Variants in FRAS1 observed in about 807,000 individuals in gnomAD.
FRAS1 encodes extracellular matrix organizing protein FRAS1.
FRAS1 carries 290 observed loss-of-function variants against 435.2 expected under a neutral mutation model. The ratio of observed to expected loss-of-function variants is 0.67; its 90% CI spans 0.61 to 0.73. FRAS1 has a LOEUF of 0.73. FRAS1 is among the 30% of genes least tolerant of loss of function. The pLI, the probability that FRAS1 is intolerant of heterozygous loss-of-function variation, is 0.00. For synonymous variants in FRAS1, 1,800 were observed against 1,851.0 expected (o/e 0.97, Z 0.71); for missense variants, 4,860 against 5,001.5 (o/e 0.97, Z 0.85).
In FRAS1 at chr4:78,511,353, G is replaced by A. The variant is rs1325859575; in HGVS notation, c.9860G>A (p.Gly3287Glu). The A allele has an allele frequency of 1.9e-6, 3 of 1,613,796 alleles. No homozygotes were observed. The highest frequency in any genetic ancestry group is 2.5e-6 in the Non-Finnish European group (3 of 1,179,794). The change falls in exon 64 of 74, where the codon GGG becomes GAG. Residue 3287 changes from glycine to glutamate, a missense_variant. Gly to Glu is a moderately conservative substitution (Grantham distance 98). Coordinates refer to ENST00000512123, the MANE Select transcript of FRAS1 (RefSeq NM_025074.7). ...AKAVDKVGHV[G>E]TPLRSNIVTI... ...GCTGTGGACAAGGTGGGCCATGTGG[G>A]GACCCCCTTAAGGAGCAACATTGTT...
chr4:78,325,141 C>A (rs1729668690), intron 18 of FRAS1, among the ~76,000 whole-genome samples: 1 of 152,188 alleles, frequency 6.6e-6, no homozygotes, highest in Non-Finnish European at 1.5e-5. Context: ...GGTGATGGAA[C>A]TTTGGTCAGG....
intron 2 of FRAS1, among the ~76,000 whole-genome samples, chr4:78,081,414 G>A (rs1740888784): frequency 6.6e-6 from 1 of 152,066 alleles, no homozygotes. Context: ...CTCCCATGCT[G>A]GGCAGTGCTG....
At chr4:78,510,580 G>C (rs1055644297) in intron 63 of FRAS1, among the ~76,000 whole-genome samples, 1 of 152,174 alleles carries the variant, frequency 6.6e-6, no homozygotes, top group African/African-American at 2.4e-5. Flanking sequence ...AATTTTTCTT[G>C]TTATATACTT....
At chr4:78,119,843 A>G (rs992353325) in intron 2 of FRAS1, among the ~76,000 whole-genome samples, 7 of 152,160 alleles carry the variant, frequency 4.6e-5, no homozygotes, top group African/African-American at 1.7e-4. Flanking sequence ...TCCACTTTGG[A>G]GAACATTACT....
chr4:78,070,937 C>G (rs1274909464), intron 2 of FRAS1: 1 of 152,184 alleles, frequency 6.6e-6, no homozygotes, highest in Non-Finnish European at 1.5e-5. Context: ...CTGTGACTTA[C>G]AGTGCTCAAT....
chr4:78,161,093 C>A (rs779499870), intron 2 of FRAS1, among the ~76,000 whole-genome samples: 17 of 151,596 alleles, frequency 1.1e-4, no homozygotes, highest in Non-Finnish European at 2.5e-4. Context: ...GAGCTGAGAT[C>A]GTGTCACTGC....
intron 27 of FRAS1, among the ~76,000 whole-genome samples, chr4:78,382,008 C>CAA (rs1732041194): frequency 6.6e-6 from 1 of 152,206 alleles, no homozygotes; most frequent in African/African-American, 2.4e-5. Flanking sequence ...CAACCTGCCA[C>CAA]ATCAGTTTGT....
intron 66 of FRAS1, among the ~76,000 whole-genome samples, chr4:78,517,832 A>G (rs1401020629): frequency 6.6e-6 from 1 of 152,222 alleles, no homozygotes; most frequent in East Asian, 1.9e-4. Context: ...AATTTTGCCA[A>G]TCAGCTAGAG....
At chr4:78,355,414 C>G (rs1730810926) in intron 20 of FRAS1, among the ~76,000 whole-genome samples, 2 of 152,100 alleles carry the variant, frequency 1.3e-5, no homozygotes, top group Admixed American at 6.5e-5. Context: ...AAAGACTCTA[C>G]TGTAATTGCA....
chr4:78,208,504 G>A (rs1723358393), intron 2 of FRAS1, among the ~76,000 whole-genome samples: 1 of 152,006 alleles, frequency 6.6e-6, no homozygotes, highest in South Asian at 2.1e-4. Flanking sequence ...AACAGAGAAA[G>A]GTGAAGTGGA....
intron 41 of FRAS1, among the ~76,000 whole-genome samples, chr4:78,444,465 A>G (rs1183430398): frequency 2.0e-5 from 3 of 152,204 alleles, no homozygotes; most frequent in African/African-American, 7.2e-5. Flanking sequence ...GGAAGTTAAT[A>G]GCCTTTTAAT....
chr4:78,322,803 G>A (rs1476969193), intron 18 of FRAS1, among the ~76,000 whole-genome samples: 5 of 152,170 alleles, frequency 3.3e-5, no homozygotes, highest in African/African-American at 7.2e-5. Context: ...TCATTCCTCC[G>A]GCAAATGTTT....
rs544941617 is a variant in FRAS1, at chr4:78,067,664, T to G, written c.108+1648T>G. Among the ~76,000 whole-genome samples the G allele has an allele frequency of 5.8e-3, 781 of 135,824 alleles. 4 individuals carry two copies. Among genetic ancestry groups the G allele is most frequent in the Admixed American group, 8.9e-3 (111 of 12,410 alleles). The allele number at this position is 135,824 out of a possible 152,430, so 89.1% of individuals were successfully genotyped here. On this transcript the variant is annotated intron_variant, in intron 2 of 73. Transcript: ENST00000512123. ...TACATTTGTTTCTTTTTCTTTTTTTTTCTTTCTTTTATTATTATTATTATT... is the reference window on the plus strand; with the variant it reads ...TACATTTGTTTCTTTTTCTTTTTTTGTCTTTCTTTTATTATTATTATTATT...
intron 14 of FRAS1, among the ~76,000 whole-genome samples, chr4:78,291,608 T>C (rs1190998905): frequency 6.6e-6 from 1 of 152,216 alleles, no homozygotes; most frequent in Non-Finnish European, 1.5e-5. Flanking sequence ...ATTGTCCTTC[T>C]TCCTTGTTCC....
At chr4:78,148,867 G>A (rs1344790305) in intron 2 of FRAS1, among the ~76,000 whole-genome samples, 1 of 152,144 alleles carries the variant, frequency 6.6e-6, no homozygotes, top group Non-Finnish European at 1.5e-5. Flanking sequence ...GTTGCAGAGA[G>A]GCATACACCA....
chr4:78,058,670 C>T (rs1739592026), intron 1 of FRAS1, among the ~76,000 whole-genome samples: 1 of 152,118 alleles, frequency 6.6e-6, no homozygotes, highest in Non-Finnish European at 1.5e-5. Flanking sequence ...GCCTGCTTCC[C>T]AGAACAAAAG....
chr4:78,133,312 A>G (rs142180035), intron 2 of FRAS1, among the ~76,000 whole-genome samples: 54 of 152,222 alleles, frequency 3.5e-4, no homozygotes, highest in African/African-American at 1.3e-3. Flanking sequence ...GGACCTAAAA[A>G]TCAAATCAAA....
At chr4:78,478,954 T>C (rs2109857168) in intron 55 of FRAS1, among the ~76,000 whole-genome samples, 1 of 152,360 alleles carries the variant, frequency 6.6e-6, no homozygotes, top group South Asian at 2.1e-4. Context: ...AATAAGCCTG[T>C]TTCTTTCTGG....
chr4:78,268,960 C>T (rs1025720930), intron 9 of FRAS1, among the ~76,000 whole-genome samples: 3 of 152,186 alleles, frequency 2.0e-5, no homozygotes, highest in African/African-American at 7.2e-5. Context: ...CCTATTTCTC[C>T]AGATCTTTAA....
Sources: gnomAD v4.1 joint callset for allele counts (sites outside exome capture counted in the v4.1 genomes callset) on GRCh38, gnomAD v4.1.1 for gene constraint, MANE v1.5 for transcripts, NCBI Gene and HGNC (gene_info 2026-07-23, HGNC 2026-07-21) for gene names.